Variants in USP17L2 observed in about 807,000 individuals in gnomAD.
USP17L2 encodes ubiquitin carboxyl-terminal hydrolase 17.
In USP17L2, 29 loss-of-function variants were observed where a neutral mutation model predicts 39.8. The observed-to-expected ratio is 0.73, with a 90% CI of 0.54 to 0.99. USP17L2 has a LOEUF of 0.99. Ranked by LOEUF, USP17L2 falls within the 50% of genes least tolerant of loss-of-function variation. The probability of loss-of-function intolerance (pLI) is 0.00; values close to 1 mark genes in which losing one functional copy is unlikely to be tolerated. For synonymous variants in USP17L2, 231 were observed against 252.7 expected (o/e 0.91, Z 0.81); for missense variants, 567 against 647.2 (o/e 0.88, Z 1.35).
Position 12,137,783 on chromosome 8 carries a change from A to T in USP17L2, c.978T>A (p.Ala326=). The change falls in exon 1 of 1, where the codon GCT becomes GCA. Residue 326 remains alanine, a synonymous_variant. Transcript: ENST00000333796. ...AATGTCCGTCGTGACAACTCCACCCAGCGTGGACCAGCACAGCATAGAGGA... is the reference window on the plus strand; with the variant it reads ...AATGTCCGTCGTGACAACTCCACCCTGCGTGGACCAGCACAGCATAGAGGA... ...VYVLYAVLVH[A]GWSCHDGHYF... 1 of 1,485,730 alleles carries T rather than the reference A, an allele frequency of 6.7e-7. No homozygotes were observed. Among genetic ancestry groups the T allele is most frequent in the Non-Finnish European group, 9.1e-7 (1 of 1,094,142 alleles). The allele number at this position is 1,485,730 out of a possible 1,614,324, so 92.0% of individuals were successfully genotyped here. A position where few individuals can be genotyped will look rare whatever the true frequency, so the allele number is the denominator to read the frequency against.
At position 12,137,989 on chromosome 8, in the gene USP17L2, G is replaced by A. The variant is rs779466200; in HGVS notation, c.772C>T (p.Leu258Phe). The A allele has an allele frequency of 2.0e-6, 3 of 1,487,344 alleles. No homozygotes were observed. Among genetic ancestry groups the A allele is most frequent in the Middle Eastern group, 2.5e-4 (1 of 4,018 alleles). 92.1% of individuals were successfully genotyped at this position (1,487,344 alleles called of 1,614,324 possible). The part of the protein sequence containing the change: ...GENAYHCGLC[L>F]QRAPASKTLT... ...GTCTTGGAGGCCGGCGCCCTCTGGA[G>A]ACAAAGACCGCAATGATAGGCATTC... Residue 258 changes from leucine (L) to phenylalanine (F), a missense_variant, in exon 1 of 1, where the codon CTC becomes TTC. This residue lies in a region of USP17L2 where 65 missense variants were observed against 84.8 expected (regional missense o/e 0.77). Transcript: ENST00000333796.
In USP17L2 at chr8:12,138,671, A is replaced by C. The variant is rs1367721734; in HGVS notation, c.90T>G (p.Ala30=). Residue 30 remains alanine (A), a synonymous_variant, in exon 1 of 1, where the codon GCT becomes GCG. Transcript: ENST00000333796. The part of the protein sequence containing the change: ...LTSSRPDAAF[A]EIQRTSLPEK... The stretch of plus-strand genomic sequence containing the variant: ...CAGGGAGAGAAGTCCGCTGGATTTC[A>C]GCAAAAGCTGCATCTGGCCGAGAAG... The C allele has an allele frequency of 1.3e-6, 2 of 1,512,170 alleles. No homozygotes were observed. The highest frequency in any genetic ancestry group is 1.8e-6 in the Non-Finnish European group (2 of 1,117,702). 93.7% of individuals were successfully genotyped at this position (1,512,170 alleles called of 1,614,324 possible). A position where few individuals can be genotyped will look rare whatever the true frequency, so the allele number is the denominator to read the frequency against.
In USP17L2 at chr8:12,138,665, G is replaced by A. The variant is rs1280831078; in HGVS notation, c.96C>T (p.Ile32=). Residue 32 remains isoleucine (I), a synonymous_variant, in exon 1 of 1, where the codon ATC becomes ATT. Transcript: ENST00000333796. The stretch of plus-strand genomic sequence containing the variant: ...ACTTCTCAGGGAGAGAAGTCCGCTG[G>A]ATTTCAGCAAAAGCTGCATCTGGCC... ...SSRPDAAFAE[I]QRTSLPEKSP... 1.3e-6 allele frequency: 2 copies of A among 1,518,898 alleles called. No individual in the cohort carries two copies. Among genetic ancestry groups the A allele is most frequent in the Admixed American group, 3.6e-5 (2 of 55,898 alleles). The allele number at this position is 1,518,898 out of a possible 1,614,324, so 94.1% of individuals were successfully genotyped here.
Position 12,137,981 on chromosome 8 carries a change from C to T in USP17L2, c.780G>A (p.Arg260=). The change falls in exon 1 of 1, where the codon AGG becomes AGA. Residue 260 remains arginine, a synonymous_variant. Transcript: ENST00000333796. ...AAGTTAACGTCTTGGAGGCCGGCGC[C>T]CTCTGGAGACAAAGACCGCAATGAT... The part of the protein sequence containing the change: ...NAYHCGLCLQ[R]APASKTLTLH... 6.7e-7 allele frequency: 1 copy of T among 1,497,774 alleles called. No individual in the cohort carries two copies. Among genetic ancestry groups the T allele is most frequent in the Non-Finnish European group, 9.0e-7 (1 of 1,107,042 alleles). 92.8% of individuals were successfully genotyped at this position (1,497,774 alleles called of 1,614,324 possible). A position where few individuals can be genotyped will look rare whatever the true frequency, so the allele number is the denominator to read the frequency against.
chr8:12,138,399 T>G lies in USP17L2; in HGVS notation c.362A>C (p.Lys121Thr), dbSNP rs755260103. ...TTGCATAGTACAGAGCATGCAGCAC[T>G]TGGGACGCTGACATGTTTGAGAGTG... ...REHSQTCQRP[K>T]CCMLCTMQAH... Residue 121 changes from lysine to threonine, a missense_variant, in exon 1 of 1, where the codon AAG becomes ACG. Around this residue, in one of 6 missense-constraint regions of USP17L2, gnomAD observed 67 missense variants for 122.8 expected, o/e 0.55. Transcript: ENST00000333796. The G allele has an allele frequency of 8.1e-6, 12 of 1,483,784 alleles. 2 individuals are homozygous for G. Among genetic ancestry groups the G allele is most frequent in the Admixed American group, 3.6e-5 (2 of 56,192 alleles). 91.9% of individuals were successfully genotyped at this position (1,483,784 alleles called of 1,614,324 possible).
rs543121251 is a variant in USP17L2 at position 12,136,445 on chromosome 8, T to A, written c.*723A>T. 9.8e-4 allele frequency among the ~76,000 whole-genome samples: 138 copies of A among 140,842 alleles called. 15 individuals carry two copies. Among genetic ancestry groups the A allele is most frequent in the African/African-American group, 3.4e-3 (128 of 37,430 alleles). The allele number at this position is 140,842 out of a possible 152,430, so 92.4% of individuals were successfully genotyped here. ...GAATACACACACTCCTGTGTTTGAT[T>A]TCCTTTATTATCAATACGACTTATT... On this transcript the variant is annotated 3_prime_UTR_variant, in exon 1 of 1. Coordinates refer to ENST00000333796, the MANE Select transcript of USP17L2 (RefSeq NM_201402.3).
At position 12,137,554 on chromosome 8, in the gene USP17L2, C is replaced by T. The variant is rs370592139; in HGVS notation, c.1207G>A (p.Ala403Thr). The T allele has an allele frequency of 1.0e-4, 153 of 1,532,618 alleles. 10 individuals carry two copies. The highest frequency in any genetic ancestry group is 1.9e-4 in the Middle Eastern group (1 of 5,402). 94.9% of individuals were successfully genotyped at this position (1,532,618 alleles called of 1,614,324 possible). A position where few individuals can be genotyped will look rare whatever the true frequency, so the allele number is the denominator to read the frequency against. ...TCTCTCTTGAGCTCTCCTTGCGTTGCTCGCCTGTCTGTGTCTTCAGCGCCG... is the reference window on the plus strand; with the variant it reads ...TCTCTCTTGAGCTCTCCTTGCGTTGTTCGCCTGTCTGTGTCTTCAGCGCCG... ...ALGAEDTDRR[A>T]TQGELKRDHP... Residue 403 changes from alanine to threonine, a missense_variant, in exon 1 of 1, where the codon GCA (alanine) becomes ACA (threonine). Ala to Thr is a moderately conservative substitution (Grantham distance 58). Transcript: ENST00000333796.
rs1305594466 is a variant in USP17L2 at position 12,137,310 on chromosome 8, C to T, written c.1451G>A (p.Ser484Asn). Residue 484 changes from serine to asparagine, a missense_variant, in exon 1 of 1, where the codon AGC becomes AAC. Ser to Asn is a conservative substitution (Grantham distance 46). This residue lies in a region of USP17L2 where 304 missense variants were observed against 254.7 expected (regional missense o/e 1.19). Coordinates refer to ENST00000333796, the MANE Select transcript of USP17L2 (RefSeq NM_201402.3). ...CGTCGAAGAGAGGTTTAGCAGGGAGCTTTGCTGTTCAGGATGATGGTTTTT... is the reference window on the plus strand; with the variant it reads ...CGTCGAAGAGAGGTTTAGCAGGGAGTTTTGCTGTTCAGGATGATGGTTTTT... ...GMKNHHPEQQ[S>N]SLLNLSSTTR... The T allele has an allele frequency of 6.5e-7, 1 of 1,531,244 alleles. No homozygotes were observed. The highest frequency in any genetic ancestry group is 8.8e-7 in the Non-Finnish European group (1 of 1,135,200). The allele number at this position is 1,531,244 out of a possible 1,614,324, so 94.9% of individuals were successfully genotyped here. A position where few individuals can be genotyped will look rare whatever the true frequency, so the allele number is the denominator to read the frequency against.
In USP17L2 at chr8:12,137,534, C is replaced by G. The variant is rs774997041; in HGVS notation, c.1227G>C (p.Lys409Asn). 9 of 1,533,344 alleles carry G rather than the reference C, an allele frequency of 5.9e-6. 1 individual carries two copies. Among genetic ancestry groups the G allele is most frequent in the East Asian group, 2.6e-5 (1 of 38,450 alleles). 95.0% of individuals were successfully genotyped at this position (1,533,344 alleles called of 1,614,324 possible). A position where few individuals can be genotyped will look rare whatever the true frequency, so the allele number is the denominator to read the frequency against. ...TDRRATQGEL[K>N]RDHPCLQAPE... ...GTGCCTGGAGGCAGGGGTGGTCTCTCTTGAGCTCTCCTTGCGTTGCTCGCC... is the reference window on the plus strand; with the variant it reads ...GTGCCTGGAGGCAGGGGTGGTCTCTGTTGAGCTCTCCTTGCGTTGCTCGCC... The change falls in exon 1 of 1, where the codon AAG (lysine) becomes AAC (asparagine). Residue 409 changes from lysine (K) to asparagine (N), a missense_variant. Physicochemically the swap from Lys to Asn is moderately conservative, Grantham distance 94. Around this residue, in one of 6 missense-constraint regions of USP17L2, gnomAD observed 304 missense variants for 254.7 expected, o/e 1.19. Transcript: ENST00000333796.
rs199985479 is a variant in USP17L2 at position 12,138,613 on chromosome 8, C to G, written c.148G>C (p.Asp50His). ...KSPLSSEARV[D>H]LCDDLAPVAR... Reference sequence around the variant, plus strand: ...ACAGGAGCCAAATCATCACAGAGGTCGACACGGGCCTCAGATGAGAGTGGT... The same window carrying G: ...ACAGGAGCCAAATCATCACAGAGGTGGACACGGGCCTCAGATGAGAGTGGT... Residue 50 changes from aspartate to histidine, a missense_variant, in exon 1 of 1, where the codon GAC becomes CAC. Transcript: ENST00000333796. 5 of 1,530,592 alleles carry G rather than the reference C, an allele frequency of 3.3e-6. No individual in the cohort carries two copies. In the South Asian group the frequency reaches 4.9e-5, roughly 15 times the overall value. The allele number at this position is 1,530,592 out of a possible 1,614,324, so 94.8% of individuals were successfully genotyped here.
chr8:12,138,794 C>T lies in USP17L2; in HGVS notation c.-34G>A, dbSNP rs758405694. 2.0e-5 allele frequency: 17 copies of T among 854,744 alleles called. 4 individuals carry two copies. Among genetic ancestry groups the T allele is most frequent in the South Asian group, 1.7e-4 (11 of 66,080 alleles). 52.9% of individuals were successfully genotyped at this position (854,744 alleles called of 1,614,324 possible). Reference sequence around the variant, plus strand: ...CAACAAGGATCACAAGGTTTTTCTGCTGGGACTGCAGGTTGCAGCAAGACG... The same window carrying T: ...CAACAAGGATCACAAGGTTTTTCTGTTGGGACTGCAGGTTGCAGCAAGACG... On this transcript the variant is annotated 5_prime_UTR_variant, in exon 1 of 1. Transcript: ENST00000333796.
chr8:12,137,712 T>A lies in USP17L2; in HGVS notation c.1049A>T (p.Asp350Val), dbSNP rs766245208. 9 of 1,532,892 alleles carry A rather than the reference T, an allele frequency of 5.9e-6. 3 individuals are homozygous for A. Among genetic ancestry groups the A allele is most frequent in the South Asian group, 4.9e-5 (4 of 81,312 alleles). 95.0% of individuals were successfully genotyped at this position (1,532,892 alleles called of 1,614,324 possible). A position where few individuals can be genotyped will look rare whatever the true frequency, so the allele number is the denominator to read the frequency against. Residue 350 changes from aspartate (D) to valine (V), a missense_variant, in exon 1 of 1, where the codon GAT (aspartate) becomes GTT (valine). By Grantham distance (152) the Asp-to-Val change is radical. Around this residue, in one of 6 missense-constraint regions of USP17L2, gnomAD observed 304 missense variants for 254.7 expected, o/e 1.19. Transcript: ENST00000333796. ...GCTACAGGCAGTGACCTTGGCATCA[T>A]CCATTTTATACCACTGGCCTTCTTG... is the stretch of plus-strand genomic sequence containing the variant. ...KAQEGQWYKM[D>V]DAKVTACSIT...
chr8:12,137,349 T>A lies in USP17L2; in HGVS notation c.1412A>T (p.Tyr471Phe). 6.5e-7 allele frequency: 1 copy of A among 1,531,570 alleles called. No homozygotes were observed. Among genetic ancestry groups the A allele is most frequent in the Non-Finnish European group, 8.8e-7 (1 of 1,135,238 alleles). The allele number at this position is 1,531,570 out of a possible 1,614,324, so 94.9% of individuals were successfully genotyped here. Residue 471 changes from tyrosine (Y) to phenylalanine (F), a missense_variant, in exon 1 of 1, where the codon TAC becomes TTC. By Grantham distance (22) the Tyr-to-Phe change is conservative (BLOSUM62 3). This residue lies in a region of USP17L2 where 304 missense variants were observed against 254.7 expected (regional missense o/e 1.19). Coordinates refer to ENST00000333796, the MANE Select transcript of USP17L2 (RefSeq NM_201402.3). ...ATGATGGTTTTTCATCCCACACTTG[T>A]ATTTCGATTGATGAATCACAAGTAC... ...PNVLVIHQSKYKCGMKNHHPE... is the reference protein window; with the variant it reads ...PNVLVIHQSKFKCGMKNHHPE...
chr8:12,137,254 C>A lies in USP17L2; in HGVS notation c.1507G>T (p.Gly503Cys), dbSNP rs1265843033. Residue 503 changes from glycine to cysteine, a missense_variant, in exon 1 of 1, where the codon GGC becomes TGC. Gly to Cys is a radical substitution (Grantham distance 159, BLOSUM62 -3). Around this residue, in one of 6 missense-constraint regions of USP17L2, gnomAD observed 304 missense variants for 254.7 expected, o/e 1.19. Transcript: ENST00000333796. ...TRTDQESVNTGTLASLQGRTR... is the reference protein window; with the variant it reads ...TRTDQESVNTCTLASLQGRTR... Reference sequence around the variant, plus strand: ...CTCCCTTGCAGAGAAGCGAGGGTGCCAGTGTTCACGGACTCCTGATCTGTC... The same window carrying A: ...CTCCCTTGCAGAGAAGCGAGGGTGCAAGTGTTCACGGACTCCTGATCTGTC... 2 of 1,530,452 alleles carry A rather than the reference C, an allele frequency of 1.3e-6. No homozygotes were observed. The highest frequency in any genetic ancestry group is 3.6e-5 in the Admixed American group (2 of 55,816). The allele number at this position is 1,530,452 out of a possible 1,614,324, so 94.8% of individuals were successfully genotyped here. A position where few individuals can be genotyped will look rare whatever the true frequency, so the allele number is the denominator to read the frequency against.
chr8:12,137,540 C>T lies in USP17L2; in HGVS notation c.1221G>A (p.Glu407=). The T allele has an allele frequency of 3.9e-6, 6 of 1,533,272 alleles. 1 individual carries two copies. Among genetic ancestry groups the T allele is most frequent in the Non-Finnish European group, 5.3e-6 (6 of 1,135,152 alleles). The allele number at this position is 1,533,272 out of a possible 1,614,324, so 95.0% of individuals were successfully genotyped here. ...EDTDRRATQG[E]LKRDHPCLQA... is the part of the protein sequence containing the mutation. Reference sequence around the variant, plus strand: ...GGAGGCAGGGGTGGTCTCTCTTGAGCTCTCCTTGCGTTGCTCGCCTGTCTG... The same window carrying T: ...GGAGGCAGGGGTGGTCTCTCTTGAGTTCTCCTTGCGTTGCTCGCCTGTCTG... The change falls in exon 1 of 1, where the codon GAG becomes GAA. Residue 407 remains glutamate, a synonymous_variant. Transcript: ENST00000333796.
Position 12,137,535 on chromosome 8 carries a change from T to G in USP17L2, c.1226A>C (p.Lys409Thr). ...TGCCTGGAGGCAGGGGTGGTCTCTC[T>G]TGAGCTCTCCTTGCGTTGCTCGCCT... ...TDRRATQGEL[K>T]RDHPCLQAPE... The change falls in exon 1 of 1, where the codon AAG becomes ACG. Residue 409 changes from lysine to threonine, a missense_variant. Physicochemically the swap from Lys to Thr is moderately conservative, Grantham distance 78. Coordinates refer to ENST00000333796, the MANE Select transcript of USP17L2 (RefSeq NM_201402.3). 1.3e-6 allele frequency: 2 copies of G among 1,533,428 alleles called. 1 individual carries two copies. Among genetic ancestry groups the G allele is most frequent in the Non-Finnish European group, 1.8e-6 (2 of 1,135,216 alleles). 95.0% of individuals were successfully genotyped at this position (1,533,428 alleles called of 1,614,324 possible).
In USP17L2 at chr8:12,136,918, C is replaced by T. The variant is rs1162124056; in HGVS notation, c.*250G>A. Among the ~76,000 whole-genome samples the T allele has an allele frequency of 1.4e-5, 2 of 140,374 alleles. No homozygotes were observed. Among genetic ancestry groups the T allele is most frequent in the East Asian group, 4.6e-4 (2 of 4,312 alleles). The allele number at this position is 140,374 out of a possible 152,430, so 92.1% of individuals were successfully genotyped here. The stretch of plus-strand genomic sequence containing the variant: ...AACACAAACACACAGACAGTCTCTC[C>T]AGAGGTTCGGAAGACTCACGACCCC... On this transcript the variant is annotated 3_prime_UTR_variant, in exon 1 of 1. Coordinates refer to ENST00000333796, the MANE Select transcript of USP17L2 (RefSeq NM_201402.3).
At position 12,137,426 on chromosome 8, in the gene USP17L2, T is replaced by A. The variant is rs1481131360; in HGVS notation, c.1335A>T (p.Lys445Asn). Residue 445 changes from lysine to asparagine, a missense_variant, in exon 1 of 1, where the codon AAA becomes AAT. This residue lies in a region of USP17L2 where 304 missense variants were observed against 254.7 expected (regional missense o/e 1.19). Coordinates refer to ENST00000333796, the MANE Select transcript of USP17L2 (RefSeq NM_201402.3). ...DHWKFPQEQN[K>N]TKPEFNVRKV... is the part of the protein sequence containing the mutation. Reference sequence around the variant, plus strand: ...TTCTGACGTTGAACTCAGGCTTCGTTTTGTTTTGCTCTTGGGGGAATTTCC... The same window carrying A: ...TTCTGACGTTGAACTCAGGCTTCGTATTGTTTTGCTCTTGGGGGAATTTCC... 1 of 1,532,488 alleles carries A rather than the reference T, an allele frequency of 6.5e-7. No homozygotes were observed. The highest frequency in any genetic ancestry group is 2.6e-5 in the East Asian group (1 of 38,440). 94.9% of individuals were successfully genotyped at this position (1,532,488 alleles called of 1,614,324 possible).
At position 12,137,285 on chromosome 8, in the gene USP17L2, C is replaced by T. The variant is rs752455149; in HGVS notation, c.1476G>A (p.Thr492=). The T allele has an allele frequency of 8.5e-6, 13 of 1,530,710 alleles. 1 individual carries two copies. The highest frequency in any genetic ancestry group is 3.6e-5 in the Admixed American group (2 of 55,844). 94.8% of individuals were successfully genotyped at this position (1,530,710 alleles called of 1,614,324 possible). The change falls in exon 1 of 1, where the codon ACG becomes ACA. Residue 492 remains threonine (T), a synonymous_variant. Coordinates refer to ENST00000333796, the MANE Select transcript of USP17L2 (RefSeq NM_201402.3). ...TCACGGACTCCTGATCTGTCCGGGTCGTCGAAGAGAGGTTTAGCAGGGAGC... is the reference window on the plus strand; with the variant it reads ...TCACGGACTCCTGATCTGTCCGGGTTGTCGAAGAGAGGTTTAGCAGGGAGC... ...QQSSLLNLSS[T]TRTDQESVNT...
Sources: gnomAD v4.1 joint callset for allele counts (sites outside exome capture counted in the v4.1 genomes callset) on GRCh38, gnomAD v4.1.1 for gene constraint, gnomAD v4.1.1 regional missense constraint, MANE v1.5 for transcripts, NCBI Gene and HGNC (gene_info 2026-07-23, HGNC 2026-07-21) for gene names.